TOX: variants seen among roughly 807,000 people sequenced by gnomAD.
TOX encodes thymocyte selection-associated high mobility group box protein TOX.
A neutral mutation model predicts 53.7 loss-of-function variants in TOX; 11 were observed. The observed-to-expected ratio is 0.20, with a 90% CI of 0.13 to 0.34. TOX has a LOEUF of 0.34. Ranked by LOEUF, TOX falls within the 10% of genes least tolerant of loss-of-function variation. The probability of loss-of-function intolerance (pLI) is 1.00; values close to 1 mark genes in which losing one functional copy is unlikely to be tolerated. For synonymous variants in TOX, 225 were observed against 245.3 expected, an observed-to-expected ratio of 0.92 and a Z score of 0.77; for missense variants, 570 against 664.6, an observed-to-expected ratio of 0.86 and a Z score of 1.56.
rs1043449706 is a variant in TOX at position 59,033,555 on chromosome 8, T to C, written c.103-73547A>G. 2.6e-5 allele frequency among the ~76,000 whole-genome samples: 4 copies of C among 152,148 alleles called. No homozygotes were observed. The South Asian group carries it at 8.3e-4, about 32-fold the overall frequency. ...TCATATTATGTGAATTTTTCCACAA[T>C]AATAAAAAGGTCGATGCCCAGTCGC... On this transcript the variant is annotated intron_variant, in intron 1 of 8. Coordinates refer to ENST00000361421, the MANE Select transcript of TOX (RefSeq NM_014729.3).
At chr8:58,839,898 T>C (rs1810615610) in intron 4 of TOX, among the ~76,000 whole-genome samples, 1 of 152,254 alleles carries the variant, frequency 6.6e-6, no homozygotes, top group African/African-American at 2.4e-5. Context: ...GCCTTCTTTT[T>C]ATTATTTTTA....
chr8:58,999,367 A>G (rs1185545442), intron 1 of TOX, among the ~76,000 whole-genome samples: 5 of 152,098 alleles, frequency 3.3e-5, no homozygotes, highest in Admixed American at 2.0e-4. Flanking sequence ...GACCTGAAAA[A>G]GGACTTTAAA....
intron 3 of TOX, among the ~76,000 whole-genome samples, chr8:58,931,969 A>G (rs557283484): frequency 6.6e-6 from 1 of 152,276 alleles, no homozygotes; most frequent in South Asian, 2.1e-4. Context: ...GTTTGGGATA[A>G]TATTTTATTA....
intron 1 of TOX, among the ~76,000 whole-genome samples, chr8:58,971,237 G>A (rs1266672488): frequency 1.3e-5 from 2 of 152,242 alleles, no homozygotes; most frequent in Admixed American, 6.5e-5. Flanking sequence ...GAGGAAAAAC[G>A]ACTAGAATGG....
chr8:58,913,925 C>T (rs552739084), intron 3 of TOX, among the ~76,000 whole-genome samples: 16 of 152,236 alleles, frequency 1.1e-4, no homozygotes, highest in African/African-American at 3.9e-4. Context: ...TAAATCATGT[C>T]CTGGTTATTG....
intron 3 of TOX, among the ~76,000 whole-genome samples, chr8:58,934,374 G>T (rs753253264): frequency 5.3e-5 from 8 of 152,154 alleles, no homozygotes; most frequent in Admixed American, 2.6e-4. Context: ...ATAAATTCCA[G>T]AAGGCAATAT....
At chr8:59,068,941 C>T (rs1231295970) in intron 1 of TOX, among the ~76,000 whole-genome samples, 7 of 152,094 alleles carry the variant, frequency 4.6e-5, no homozygotes, top group Admixed American at 2.6e-4. Flanking sequence ...AAGAGTCAGT[C>T]GGATGAAGCA....
chr8:59,087,605 A>ACTT (rs1804535145), intron 1 of TOX, among the ~76,000 whole-genome samples: 1 of 152,230 alleles, frequency 6.6e-6, no homozygotes, highest in Non-Finnish European at 1.5e-5. Flanking sequence ...AAAGTACAGC[A>ACTT]CTTTGTCCTT....
intron 1 of TOX, among the ~76,000 whole-genome samples, chr8:59,074,287 A>G (rs1319263615): frequency 1.3e-5 from 2 of 152,196 alleles, no homozygotes; most frequent in Non-Finnish European, 2.9e-5. Context: ...TGTAATTCCT[A>G]CATAAGAGAA....
intron 1 of TOX, among the ~76,000 whole-genome samples, chr8:59,052,801 T>C (rs1803815229): frequency 6.6e-6 from 1 of 152,168 alleles, no homozygotes; most frequent in Non-Finnish European, 1.5e-5. Context: ...CTCAAAGTGC[T>C]ATGAGGATTA....
intron 3 of TOX, among the ~76,000 whole-genome samples, chr8:58,852,155 C>T (rs554305455): frequency 4.9e-4 from 74 of 152,060 alleles, no homozygotes; most frequent in East Asian, 2.9e-3. Context: ...ATTTATATAA[C>T]GTAAGTTTCA....
At chr8:58,941,012 T>C (rs912155071) in intron 2 of TOX, among the ~76,000 whole-genome samples, 14 of 152,212 alleles carry the variant, frequency 9.2e-5, no homozygotes, top group African/African-American at 3.4e-4. Context: ...TTGACTGTTA[T>C]ATGCAGATAA....
chr8:59,065,044 T>C, intron 1 of TOX, among the ~76,000 whole-genome samples: 1 of 152,146 alleles, frequency 6.6e-6, no homozygotes, highest in East Asian at 1.9e-4. Flanking sequence ...TGGTTAAGAA[T>C]AAACTTCCAC....
chr8:59,006,890 A>G (rs142196253), intron 1 of TOX, among the ~76,000 whole-genome samples: 115 of 152,308 alleles, frequency 7.6e-4, no homozygotes, highest in African/African-American at 2.7e-3. Context: ...TCTAATGTTC[A>G]AGTTCCAGTT....
At chr8:58,937,723 A>G (rs748569383) in intron 3 of TOX, among the ~76,000 whole-genome samples, 3 of 152,128 alleles carry the variant, frequency 2.0e-5, no homozygotes, top group Non-Finnish European at 4.4e-5. Flanking sequence ...TATGGCCCCA[A>G]TCTCACTCCT....
chr8:58,886,813 CTTTTA>C (rs893243842), intron 3 of TOX, among the ~76,000 whole-genome samples: 46 of 151,502 alleles, frequency 3.0e-4, no homozygotes, highest in Non-Finnish European at 5.8e-4. Context: ...TTTATATTTA[CTTTTA>C]TTTTATGTTT....
chr8:58,931,691 G>A (rs750533013), intron 3 of TOX, among the ~76,000 whole-genome samples: 13 of 152,132 alleles, frequency 8.5e-5, no homozygotes, highest in Non-Finnish European at 1.5e-4. Flanking sequence ...ATCTCAAATG[G>A]TTTAGGTTTA....
At chr8:58,945,619 T>C (rs1812511984) in intron 2 of TOX, among the ~76,000 whole-genome samples, 1 of 152,208 alleles carries the variant, frequency 6.6e-6, no homozygotes, top group Non-Finnish European at 1.5e-5. Context: ...CCTGTTTACA[T>C]TATTTTCTCT....
intron 1 of TOX, among the ~76,000 whole-genome samples, chr8:59,057,030 C>T (rs990951839): frequency 1.4e-4 from 21 of 152,118 alleles, no homozygotes; most frequent in African/African-American, 4.1e-4. Flanking sequence ...CCTTTAATAA[C>T]GTAGTTCTTT....
Sources: gnomAD v4.1 joint callset for allele counts (sites outside exome capture counted in the v4.1 genomes callset) on GRCh38, gnomAD v4.1.1 for gene constraint, MANE v1.5 for transcripts, NCBI Gene and HGNC (gene_info 2026-07-23, HGNC 2026-07-21) for gene names.